AQP1: variants seen among roughly 807,000 people sequenced by gnomAD.
AQP1 encodes the protein aquaporin 1 (Colton blood group).
A neutral mutation model predicts 19.7 loss-of-function variants in AQP1; 11 were observed. That is an observed-to-expected ratio of 0.56 (90% CI 0.35 to 0.92). The LOEUF (loss-of-function observed/expected upper bound fraction) is 0.92. Among genes scored for constraint, AQP1 ranks in the 40% least tolerant of loss-of-function variants. The pLI is 0.01. For synonymous variants in AQP1, 159 were observed against 166.7 expected, an observed-to-expected ratio of 0.95 and a Z score of 0.36; for missense variants, 320 against 369.7, an observed-to-expected ratio of 0.87 and a Z score of 1.10.
chr7:30,912,165 A>G lies in AQP1; in HGVS notation c.256A>G (p.Ser86Gly), dbSNP rs1459509459. ...GGCTGTCACACTGGGGCTGCTGCTC[A>G]GCTGCCAGATCAGCATCTTCCGTGC... Reference protein sequence around the residue: ...NPAVTLGLLLSCQISIFRALM... With the variant: ...NPAVTLGLLLGCQISIFRALM... Residue 86 changes from serine to glycine, a missense_variant, in exon 1 of 4, where the codon AGC (serine) becomes GGC (glycine). By Grantham distance (56) the Ser-to-Gly change is moderately conservative (BLOSUM62 0). Transcript: ENST00000311813. This position sits in a 1 kb window ranked among gnomAD's most constrained non-coding sequence, Gnocchi z 4.3. 3 of 1,612,930 alleles carry G rather than the reference A, an allele frequency of 1.9e-6. No individual in the cohort carries two copies. In the East Asian group the frequency reaches 6.7e-5, roughly 36 times the overall value.
chr7:30,913,797 C>T (rs1476527235), intron 1 of AQP1, among the ~76,000 whole-genome samples: 3 of 152,082 alleles, frequency 2.0e-5, no homozygotes, highest in Non-Finnish European at 2.9e-5. Flanking sequence ...TAGACGTGGC[C>T]GCGGGGGATG....
rs1328949556 is a variant in AQP1, at chr7:30,912,823, C to G, written c.384+530C>G. On this transcript the variant is annotated intron_variant, in intron 1 of 3. Coordinates refer to ENST00000311813, the MANE Select transcript of AQP1 (RefSeq NM_198098.4). The surrounding 1 kb of genome is among the most constrained non-coding windows in gnomAD (Gnocchi z 4.3). ...ACCTCTAGGAATCAAGAGAAAGGCC[C>G]TCTTCCACTCTTTTGCCCCTGAGAT... Among the ~76,000 whole-genome samples, 1 of 152,178 alleles carries G rather than the reference C, an allele frequency of 6.6e-6. No homozygotes were observed. The highest frequency in any genetic ancestry group is 1.5e-5 in the Non-Finnish European group (1 of 68,038).
At chr7:30,921,922 T>G (rs1791513299) in intron 1 of AQP1, 144 bp from the exon 2 acceptor site, 1 of 1,545,378 alleles carries the variant, frequency 6.5e-7, no homozygotes, top group Non-Finnish European at 8.8e-7. Context: ...TAGGCTTGCC[T>G]GGGACCCTGT....
intron 2 of AQP1, 76 bp downstream of exon 2, chr7:30,922,306 C>T: frequency 6.6e-7 from 1 of 1,512,968 alleles, no homozygotes. Context: ...CCATGGGCAG[C>T]CAGTGGGACT....
intron 1 of AQP1, 67 bp from the exon 2 acceptor site, chr7:30,921,999 T>C: frequency 1.2e-6 from 2 of 1,605,518 alleles, no homozygotes; most frequent in South Asian, 1.1e-5. Context: ...CTGGGTATCC[T>C]TGGGGTCCTG....
chr7:30,919,095 T>C (rs895618877), intron 1 of AQP1, among the ~76,000 whole-genome samples: 1 of 152,158 alleles, frequency 6.6e-6, no homozygotes, highest in Admixed American at 6.5e-5. Flanking sequence ...AGGCTGCCCC[T>C]AGCAAGGGTG....
chr7:30,914,253 G>C (rs1791254283), intron 1 of AQP1, among the ~76,000 whole-genome samples: 1 of 152,206 alleles, frequency 6.6e-6, no homozygotes, highest in Non-Finnish European at 1.5e-5. Flanking sequence ...CCGGCCCTGG[G>C]CTGAGAGGCA....
intron 1 of AQP1, among the ~76,000 whole-genome samples, chr7:30,919,910 G>T (rs561759229): frequency 6.6e-6 from 1 of 152,272 alleles, no homozygotes; most frequent in Admixed American, 6.5e-5. Flanking sequence ...GTGGGTATTG[G>T]AGAGGAAGGC....
At chr7:30,916,618 G>A (rs1791361387) in intron 1 of AQP1, among the ~76,000 whole-genome samples, 1 of 152,268 alleles carries the variant, frequency 6.6e-6, no homozygotes, top group Non-Finnish European at 1.5e-5. Flanking sequence ...AGGAGCTACA[G>A]TTCTGTGGGG....
rs1232113304 is a variant in AQP1, at chr7:30,923,953, C to T, written c.*324C>T. ...TGGGAGGTGTGCCAGAAAGTCCCCC[C>T]TCGCCCCAAAGTTGCTCACCGACTC... On this transcript the variant is annotated 3_prime_UTR_variant, in exon 4 of 4. Transcript: ENST00000311813. The surrounding 1 kb of genome is among the most constrained non-coding windows in gnomAD (Gnocchi z 4.8). 1 of 1,415,004 alleles carries T rather than the reference C, an allele frequency of 7.1e-7. No individual in the cohort carries two copies. Among genetic ancestry groups the T allele is most frequent in the Middle Eastern group, 1.9e-4 (1 of 5,156 alleles). 87.7% of individuals were successfully genotyped at this position (1,415,004 alleles called of 1,614,324 possible). A position where few individuals can be genotyped will look rare whatever the true frequency, so the allele number is the denominator to read the frequency against.
rs1421057826 is a variant in AQP1, at chr7:30,922,190, T to C, written c.509T>C (p.Leu170Pro). Residue 170 changes from leucine (L) to proline (P), a missense_variant, in exon 2 of 4, where the codon CTT becomes CCT. Leu to Pro is a moderately conservative substitution (Grantham distance 98, BLOSUM62 -3). Transcript: ENST00000311813. ...CGTGACCTTGGTGGCTCAGCCCCCC[T>C]TGCCATCGGCCTCTCTGTAGCCCTT... ...RRRDLGGSAP[L>P]AIGLSVALGH... is the part of the protein sequence containing the mutation. 11 of 1,611,700 alleles carry C rather than the reference T, an allele frequency of 6.8e-6. No homozygotes were observed. Among genetic ancestry groups the C allele is most frequent in the Non-Finnish European group, 7.6e-6 (9 of 1,179,952 alleles).
chr7:30,918,573 T>A (rs1791418870), intron 1 of AQP1, among the ~76,000 whole-genome samples: 1 of 152,150 alleles, frequency 6.6e-6, no homozygotes, highest in African/African-American at 2.4e-5. Context: ...CCTCGATGTC[T>A]CCTATCCCTT....
chr7:30,919,950 G>A (rs772955574), intron 1 of AQP1, among the ~76,000 whole-genome samples: 9 of 152,174 alleles, frequency 5.9e-5, no homozygotes, highest in Non-Finnish European at 8.8e-5. Context: ...CAGCAGTCAC[G>A]AAGGCACATT....
At chr7:30,915,994 C>T (rs1346310990) in intron 1 of AQP1, among the ~76,000 whole-genome samples, 1 of 152,186 alleles carries the variant, frequency 6.6e-6, no homozygotes, top group Non-Finnish European at 1.5e-5. Context: ...CTGTTTCCGC[C>T]AGCCCCAGAT....
At chr7:30,921,241 A>T in intron 1 of AQP1, 2 of 1,131,374 alleles carry the variant, frequency 1.8e-6, no homozygotes, top group Non-Finnish European at 2.2e-6. Flanking sequence ...CTGCATGGGG[A>T]GGGCCTTCAT....
chr7:30,917,379 A>AGGAG (rs1184156008), intron 1 of AQP1, among the ~76,000 whole-genome samples: 1 of 152,226 alleles, frequency 6.6e-6, no homozygotes, highest in Non-Finnish European at 1.5e-5. Flanking sequence ...TAGGAAAAGA[A>AGGAG]GGAGGGAGGG....
chr7:30,921,682 A>C, intron 1 of AQP1: 1 of 1,551,014 alleles, frequency 6.4e-7, no homozygotes, highest in South Asian at 1.2e-5. Flanking sequence ...TTCTCCTAGG[A>C]GTGCTCCTGA....
At chr7:30,917,367 G>A (rs1047391858) in intron 1 of AQP1, among the ~76,000 whole-genome samples, 4 of 152,222 alleles carry the variant, frequency 2.6e-5, no homozygotes, top group Admixed American at 2.0e-4. Flanking sequence ...CTGCCCTGGA[G>A]TTAGGAAAAG....
intron 1 of AQP1, 53 bp from the exon 2 acceptor site, chr7:30,922,011 GAC>G: frequency 1.2e-6 from 2 of 1,609,082 alleles, no homozygotes; most frequent in Non-Finnish European, 1.7e-6. Context: ...GGGGTCCTGG[GAC>G]ACAGTCCCTG....
Sources: gnomAD v4.1 joint callset for allele counts (sites outside exome capture counted in the v4.1 genomes callset) on GRCh38, gnomAD v4.1.1 for gene constraint, Gnocchi (gnomAD v3.1) non-coding constraint, MANE v1.5 for transcripts, NCBI Gene and HGNC (gene_info 2026-07-23, HGNC 2026-07-21) for gene names.